The following RAB36 variants were observed in gnomAD, a reference collection of about 807,000 sequenced individuals.
RAB36 encodes the protein RAB36, member RAS oncogene family, also known as ras-related protein Rab-36.
In RAB36, 33 loss-of-function variants were observed where a neutral mutation model predicts 39.3. That is an observed-to-expected ratio of 0.84 (90% CI 0.64 to 1.12). The LOEUF is 1.12. Among genes scored for constraint, RAB36 ranks in the 50% most tolerant of loss-of-function variants. RAB36 has a pLI of 0.00. For missense variants in RAB36, 308 were observed against 355.3 expected (o/e 0.87, Z 1.07); for synonymous variants, 133 against 140.2 (o/e 0.95, Z 0.36).
intron 3 of RAB36, 134 bp downstream of exon 3, chr22:23,150,288 G>T: frequency 3.0e-5 from 20 of 660,322 alleles, no homozygotes; most frequent in South Asian, 9.2e-5. Context: ...GATGACTGGG[G>T]TTTTCTTTTT....
intron 4 of RAB36, among the ~76,000 whole-genome samples, 167 bp from the exon 5 acceptor site, chr22:23,152,866 C>A (rs779051635): frequency 7.9e-5 from 12 of 152,236 alleles, no homozygotes; most frequent in Non-Finnish European, 1.2e-4. Flanking sequence ...CCTCCCTTTC[C>A]CCACATTGTC....
At position 23,155,989 on chromosome 22, in the gene RAB36, G is replaced by C. The variant is rs1407156454; in HGVS notation, c.351G>C (p.Glu117Asp). The C allele has an allele frequency of 1.2e-6, 2 of 1,612,742 alleles. No homozygotes were observed. Reference protein sequence around the residue: ...SLQIWDTAGQEKFKCIASAYY... With the variant: ...SLQIWDTAGQDKFKCIASAYY... ...ACAGCTGGGACACAGCTGGGCAGGA[G>C]AAGTTCAAGTGCATCGCATCTGCCT... The change falls in exon 6 of 11, where the codon GAG becomes GAC. Residue 117 changes from glutamate to aspartate, a missense_variant. By Grantham distance (45) the Glu-to-Asp change is conservative. Coordinates refer to ENST00000263116, the MANE Select transcript of RAB36 (RefSeq NM_004914.5).
At chr22:23,148,903 G>A (rs901143653) in intron 2 of RAB36, among the ~76,000 whole-genome samples, 8 of 152,222 alleles carry the variant, frequency 5.3e-5, no homozygotes, top group Non-Finnish European at 1.0e-4. Context: ...AGACTATCAG[G>A]CTAAGCTGCT....
chr22:23,167,772 T>C (rs143960604), downstream of RAB36, among the ~76,000 whole-genome samples: 5 of 151,956 alleles, frequency 3.3e-5, no homozygotes, highest in Admixed American at 2.6e-4. Flanking sequence ...GGCCTCAAAC[T>C]CCCGGTCTCA....
At chr22:23,154,865 C>T (rs1426916939) in intron 5 of RAB36, among the ~76,000 whole-genome samples, 1 of 152,198 alleles carries the variant, frequency 6.6e-6, no homozygotes, top group Admixed American at 6.5e-5. Context: ...GTGGCTCACA[C>T]CTGTAATCCC....
rs148961849 is a variant in RAB36, at chr22:23,162,717, C to G, written c.*1153C>G. 7 of 456,286 alleles carry G rather than the reference C, an allele frequency of 1.5e-5. No individual in the cohort carries two copies. Among genetic ancestry groups the G allele is most frequent in the Non-Finnish European group, 3.1e-5 (7 of 226,976 alleles). The allele number at this position is 456,286 out of a possible 1,614,324, so 28.3% of individuals were successfully genotyped here. On this transcript the variant is annotated 3_prime_UTR_variant, in exon 11 of 11. Transcript: ENST00000263116. ...GCCCACTCATCCCACCCGTCTCGTG[C>G]TGTTGCTTCCCGTAGATGGCGAGCA...
chr22:23,154,495 G>A (rs867498332), intron 5 of RAB36, among the ~76,000 whole-genome samples: 4 of 152,248 alleles, frequency 2.6e-5, no homozygotes, highest in Non-Finnish European at 5.9e-5. Flanking sequence ...GGGAGAGAAC[G>A]CAGGGCTGCA....
chr22:23,149,239 A>G (rs1249997702), intron 2 of RAB36, among the ~76,000 whole-genome samples: 1 of 152,164 alleles, frequency 6.6e-6, no homozygotes, highest in Non-Finnish European at 1.5e-5. Context: ...CACAGATCAC[A>G]CCAACAGCCT....
chr22:23,154,181 G>A (rs937633230), intron 5 of RAB36, among the ~76,000 whole-genome samples: 2 of 151,840 alleles, frequency 1.3e-5, no homozygotes, highest in African/African-American at 4.8e-5. Flanking sequence ...GCCTGGGCTC[G>A]GGCCCTCACC....
In RAB36 at chr22:23,153,122, A is replaced by C. The variant is rs773287140; in HGVS notation, c.317A>C (p.Tyr106Ser). 2 of 1,613,768 alleles carry C rather than the reference A, an allele frequency of 1.2e-6. No individual in the cohort carries two copies. The highest frequency in any genetic ancestry group is 2.2e-5 in the South Asian group (2 of 91,078). The change falls in exon 5 of 11, where the codon TAT (tyrosine) becomes TCT (serine). Residue 106 changes from tyrosine to serine, a missense_variant. Physicochemically the swap from Tyr to Ser is moderately radical, Grantham distance 144 (BLOSUM62 -2). Transcript: ENST00000263116. ...IERFEIAGIP[Y>S]SLQIWDTAGQ... ...CGCTTTGAGATTGCTGGGATTCCCT[A>C]TAGCCTCCAGATGTAAGTTGCTGGT...
intron 2 of RAB36, among the ~76,000 whole-genome samples, chr22:23,149,820 G>C (rs190603313): frequency 1.3e-3 from 205 of 152,360 alleles, no homozygotes; most frequent in Non-Finnish European, 3.5e-4. Context: ...TGCGGCCCCA[G>C]GTGAGACACA....
At chr22:23,153,534 G>T in intron 5 of RAB36, 3 of 981,174 alleles carry the variant, frequency 3.1e-6, no homozygotes, top group Non-Finnish European at 3.6e-6. Flanking sequence ...CCTGTAAAAT[G>T]GGGTCAAATC....
At chr22:23,159,467 G>A (rs2071653489) in intron 9 of RAB36, among the ~76,000 whole-genome samples, 1 of 152,232 alleles carries the variant, frequency 6.6e-6, no homozygotes, top group Non-Finnish European at 1.5e-5. Flanking sequence ...AAGCTGGGAG[G>A]CCTGCCTCAC....
intron 2 of RAB36, among the ~76,000 whole-genome samples, chr22:23,149,234 A>C (rs915387037): frequency 1.3e-5 from 2 of 152,134 alleles, no homozygotes; most frequent in African/African-American, 4.8e-5. Context: ...CCATACACAG[A>C]TCACACCAAC....
chr22:23,168,992 T>C (rs1307978252), downstream of RAB36, among the ~76,000 whole-genome samples: 1 of 152,156 alleles, frequency 6.6e-6, no homozygotes, highest in African/African-American at 2.4e-5. Context: ...GGGAACGAGC[T>C]CATCTTGTCC....
chr22:23,161,301 C>A (rs1195825774), intron 10 of RAB36, among the ~76,000 whole-genome samples, 199 bp from the exon 11 acceptor site: 1 of 152,202 alleles, frequency 6.6e-6, no homozygotes, highest in Non-Finnish European at 1.5e-5. Flanking sequence ...CTGGCCCCGG[C>A]TCTCCCAGTC....
rs200497505 is a variant in RAB36, at chr22:23,161,571, C to G, written c.*7C>G. 1.9e-6 allele frequency: 3 copies of G among 1,601,740 alleles called. No homozygotes were observed. Among genetic ancestry groups the G allele is most frequent in the African/African-American group, 1.3e-5 (1 of 74,782 alleles). ...CAGCCTGGGCTGCTGCTAACTGGGG[C>G]CTGCGTGGAAGGCCTCCGCTCCCTG... On this transcript the variant is annotated 3_prime_UTR_variant, in exon 11 of 11. Coordinates refer to ENST00000263116, the MANE Select transcript of RAB36 (RefSeq NM_004914.5).
chr22:23,168,262 T>C (rs1330532837), downstream of RAB36, among the ~76,000 whole-genome samples: 1 of 152,072 alleles, frequency 6.6e-6, no homozygotes. Context: ...GGGAGGCAGC[T>C]CCCTCCAGCT....
intron 9 of RAB36, 36 bp from the exon 10 acceptor site, chr22:23,160,843 C>A: frequency 6.2e-7 from 1 of 1,601,026 alleles, no homozygotes. Context: ...CAAGGAGAAA[C>A]ACTGATGAGG....
Sources: gnomAD v4.1 joint callset for allele counts (sites outside exome capture counted in the v4.1 genomes callset) on GRCh38, gnomAD v4.1.1 for gene constraint, MANE v1.5 for transcripts, NCBI Gene and HGNC (gene_info 2026-07-23, HGNC 2026-07-21) for gene names.